Variants in PCDHA6 observed in about 807,000 individuals in gnomAD.
PCDHA6 encodes the protein protocadherin alpha-6.
PCDHA6 carries 55 observed loss-of-function variants against 60.3 expected under a neutral mutation model. That is an observed-to-expected ratio of 0.91 (90% CI 0.73 to 1.14). The LOEUF (loss-of-function observed/expected upper bound fraction) is 1.14. Ranked by LOEUF, PCDHA6 falls within the 50% of genes most tolerant of loss-of-function variation. The probability of loss-of-function intolerance (pLI) is 0.00; values close to 1 mark genes in which losing one functional copy is unlikely to be tolerated. For missense variants in PCDHA6, 1,327 were observed against 1,256.5 expected (o/e 1.06, Z -0.85); for synonymous variants, 652 against 557.9 (o/e 1.17, Z -2.38).
chr5:140,857,551 C>G (rs781926711), intron 1 of PCDHA6: 5 of 1,596,944 alleles, frequency 3.1e-6, no homozygotes. Flanking sequence ...TGGGCGAGCG[C>G]TCGCTGTCGA....
intron 1 of PCDHA6, among the ~76,000 whole-genome samples, chr5:140,948,132 C>G (rs1397250622): frequency 1.3e-5 from 2 of 151,526 alleles, no homozygotes; most frequent in African/African-American, 4.8e-5. Context: ...TTGGATTACA[C>G]TAATTGATTT....
At chr5:140,857,886 C>T in intron 1 of PCDHA6, 1 of 1,597,776 alleles carries the variant, frequency 6.3e-7, no homozygotes. Context: ...TTGCAGTCGG[C>T]GGCGGTTGGT....
chr5:140,973,073 C>T (rs1372527958), intron 1 of PCDHA6, among the ~76,000 whole-genome samples: 1 of 151,988 alleles, frequency 6.6e-6, no homozygotes, highest in Non-Finnish European at 1.5e-5. Context: ...TCTCAGTGGG[C>T]CCAGCTGGCA....
At chr5:140,888,018 T>A (rs557919672) in intron 1 of PCDHA6, among the ~76,000 whole-genome samples, 1 of 152,360 alleles carries the variant, frequency 6.6e-6, no homozygotes, top group South Asian at 2.1e-4. Context: ...TTTATCTATA[T>A]GTTTGAGCAT....
intron 1 of PCDHA6, chr5:140,882,507 A>G: frequency 6.2e-7 from 1 of 1,614,182 alleles, no homozygotes; most frequent in Non-Finnish European, 8.5e-7. Flanking sequence ...GTAAATCTGC[A>G]GAATGGCATT....
intron 1 of PCDHA6, among the ~76,000 whole-genome samples, chr5:140,917,083 T>C (rs2077876290): frequency 6.6e-6 from 1 of 152,078 alleles, no homozygotes; most frequent in South Asian, 2.1e-4. Flanking sequence ...TAATGTAAAG[T>C]TCCCCAGTTG....
intron 1 of PCDHA6, among the ~76,000 whole-genome samples, chr5:140,910,781 A>G (rs1402088509): frequency 3.9e-5 from 6 of 152,220 alleles, no homozygotes; most frequent in Non-Finnish European, 8.8e-5. Flanking sequence ...AAGCTGCAAC[A>G]TTAAATGCAG....
rs1402531454 is a variant in PCDHA6 at position 141,011,521 on chromosome 5, TA to T, written c.*1586del. 1 of 153,804 alleles carries T rather than the reference TA, an allele frequency of 6.5e-6. No individual in the cohort carries two copies. The allele number at this position is 153,804 out of a possible 1,614,324, so 9.5% of individuals were successfully genotyped here. A position where few individuals can be genotyped will look rare whatever the true frequency, so the allele number is the denominator to read the frequency against. ...GTGAAAAAGTGGAGTAGTGTTTTTT[TA>T]ACCATTGTTAATCAGCTTTTGTGTA... On this transcript the variant is annotated 3_prime_UTR_variant, in exon 4 of 4. Coordinates refer to ENST00000529310, the MANE Select transcript of PCDHA6 (RefSeq NM_018909.4).
At chr5:141,008,211 G>A (rs1032443788) in intron 3 of PCDHA6, among the ~76,000 whole-genome samples, 6 of 152,168 alleles carry the variant, frequency 3.9e-5, no homozygotes, top group Admixed American at 2.0e-4. Context: ...AACTTGACAT[G>A]AGTTATGTTA....
At chr5:140,851,652 C>T (rs628890) in intron 1 of PCDHA6, 5 of 909,694 alleles carry the variant, frequency 5.5e-6, no homozygotes, top group Middle Eastern at 5.6e-4. Flanking sequence ...TTCAAGAAGA[C>T]ATTCTCCTTT....
intron 1 of PCDHA6, among the ~76,000 whole-genome samples, chr5:140,937,638 C>T (rs1563161991): frequency 6.7e-6 from 1 of 150,048 alleles, no homozygotes; most frequent in Non-Finnish European, 1.5e-5. Flanking sequence ...AAAGGCAGGG[C>T]ATGGTGGCTC....
chr5:140,940,610 G>A (rs1394761541), intron 1 of PCDHA6, among the ~76,000 whole-genome samples: 1 of 151,836 alleles, frequency 6.6e-6, no homozygotes, highest in Non-Finnish European at 1.5e-5. Context: ...GCTGCTCCTG[G>A]CTCCTGCAAA....
Position 140,886,842 on chromosome 5 carries a change from A to AG in PCDHA6, c.2394+56357_2394+56358insG, listed in dbSNP as rs1190647876. ...ACTTCGTCTTGAAAAAAAAAAAAAA[A>AG]AAAAAGAAAGGTCTTCCCAACTCCT... is the stretch of plus-strand genomic sequence containing the variant. On this transcript the variant is annotated intron_variant, in intron 1 of 3. Coordinates refer to ENST00000529310, the MANE Select transcript of PCDHA6 (RefSeq NM_018909.4). 2.4e-3 allele frequency among the ~76,000 whole-genome samples: 362 copies of AG among 151,632 alleles called. 2 individuals are homozygous for AG. Among genetic ancestry groups the AG allele is most frequent in the Middle Eastern group, 0.014 (4 of 292 alleles).
At chr5:140,903,845 C>T (rs2070659171) in intron 1 of PCDHA6, among the ~76,000 whole-genome samples, 1 of 152,006 alleles carries the variant, frequency 6.6e-6, no homozygotes, top group Admixed American at 6.6e-5. Context: ...TTTCATTTAT[C>T]TTAACAAATA....
rs1554262627 is a variant in PCDHA6 at position 141,009,982 on chromosome 5, T to C, written c.*45T>C. On this transcript the variant is annotated 3_prime_UTR_variant, in exon 4 of 4. Transcript: ENST00000529310. ...GCCACTTAGCCAGTTTTTGTAATAA[T>C]GGCAAATCTCTCCCATGTAGCAATT... 1 of 1,582,572 alleles carries C rather than the reference T, an allele frequency of 6.3e-7. No homozygotes were observed. Among genetic ancestry groups the C allele is most frequent in the East Asian group, 2.2e-5 (1 of 44,666 alleles).
chr5:140,892,489 G>A (rs1554185225), intron 1 of PCDHA6, among the ~76,000 whole-genome samples: 1 of 152,180 alleles, frequency 6.6e-6, no homozygotes, highest in Non-Finnish European at 1.5e-5. Context: ...CCAAACATGA[G>A]AGATTGTTTA....
chr5:140,833,558 A>G (rs1329947053), intron 1 of PCDHA6, among the ~76,000 whole-genome samples: 1 of 152,224 alleles, frequency 6.6e-6, no homozygotes, highest in African/African-American at 2.4e-5. Context: ...TGAGGAAACA[A>G]ATATAAAATG....
At chr5:140,841,679 G>A (rs1554138418) in intron 1 of PCDHA6, 3 of 1,613,866 alleles carry the variant, frequency 1.9e-6, no homozygotes, top group South Asian at 1.1e-5. Context: ...TTTCCATGTG[G>A]ACGTGGAGGT....
At chr5:140,871,277 C>T (rs1187011496) in intron 1 of PCDHA6, 15 of 1,613,782 alleles carry the variant, frequency 9.3e-6, no homozygotes, top group Admixed American at 6.7e-5. Flanking sequence ...TGGTCGGCAA[C>T]GCCCACTGAG....
Sources: gnomAD v4.1 joint callset for allele counts (sites outside exome capture counted in the v4.1 genomes callset) on GRCh38, gnomAD v4.1.1 for gene constraint, MANE v1.5 for transcripts, NCBI Gene and HGNC (gene_info 2026-07-23, HGNC 2026-07-21) for gene names.